The following SLC24A2 variants were observed in gnomAD, a reference collection of about 807,000 sequenced individuals.
The protein encoded by SLC24A2 is solute carrier family 24 member 2.
In SLC24A2, 36 loss-of-function variants were observed where a neutral mutation model predicts 62.0. The ratio of observed to expected loss-of-function variants is 0.58; its 90% CI spans 0.44 to 0.77. The LOEUF is 0.77. Ranked by LOEUF, SLC24A2 falls within the 30% of genes least tolerant of loss-of-function variation. The pLI is 0.00. For synonymous variants in SLC24A2, 358 were observed against 294.0 expected, an observed-to-expected ratio of 1.22 and a Z score of -2.23; for missense variants, 846 against 817.9, an observed-to-expected ratio of 1.03 and a Z score of -0.42.
chr9:20,191,641 G>T, the SLC24A2 span, among the ~76,000 whole-genome samples: 1 of 151,272 alleles, frequency 6.6e-6, no homozygotes, highest in Admixed American at 6.6e-5. Context: ...TGTTCAGTGT[G>T]GCCTCCTTGT....
the SLC24A2 span, among the ~76,000 whole-genome samples, chr9:20,289,637 G>A: frequency 1.2e-3 from 183 of 152,294 alleles, 1 homozygote; most frequent in Admixed American, 3.2e-3. Flanking sequence ...CCCAGAGTCA[G>A]GCGCTCTTTT....
intron 2 of SLC24A2, among the ~76,000 whole-genome samples, chr9:19,688,523 A>C (rs1026196222): frequency 6.6e-6 from 1 of 152,040 alleles, no homozygotes; most frequent in Non-Finnish European, 1.5e-5. Flanking sequence ...TTTTTAAAAG[A>C]GTTGCATAGA....
the SLC24A2 span, among the ~76,000 whole-genome samples, chr9:20,302,623 T>G: frequency 1.3e-5 from 2 of 152,348 alleles, no homozygotes; most frequent in Non-Finnish European, 2.9e-5. Flanking sequence ...TTCTTTTGGA[T>G]AGCAGTCCTT....
chr9:19,813,025 G>T, the SLC24A2 span, among the ~76,000 whole-genome samples: 5 of 152,108 alleles, frequency 3.3e-5, no homozygotes, highest in Non-Finnish European at 7.3e-5. Context: ...TTAGTCTCCT[G>T]CTCAGTTTAG....
At chr9:20,207,224 T>A in the SLC24A2 span, among the ~76,000 whole-genome samples, 1 of 152,252 alleles carries the variant, frequency 6.6e-6, no homozygotes, top group South Asian at 2.1e-4. Flanking sequence ...CCAAGAAAAA[T>A]TCCAGCAATT....
chr9:19,869,497 C>G, the SLC24A2 span, among the ~76,000 whole-genome samples: 1 of 152,256 alleles, frequency 6.6e-6, no homozygotes, highest in African/African-American at 2.4e-5. Flanking sequence ...CCTTCACTAA[C>G]TTTTACAGGT....
the SLC24A2 span, among the ~76,000 whole-genome samples, chr9:19,834,445 C>A: frequency 6.6e-6 from 1 of 151,936 alleles, no homozygotes; most frequent in Admixed American, 6.6e-5. Flanking sequence ...CCTCAGTAAC[C>A]GATGCGATCA....
the SLC24A2 span, among the ~76,000 whole-genome samples, chr9:20,232,521 G>A: frequency 1.2e-4 from 19 of 152,202 alleles, no homozygotes; most frequent in South Asian, 8.3e-4. Context: ...GTTTATTTGC[G>A]TAGAGGTGTT....
chr9:19,835,934 A>G, the SLC24A2 span, among the ~76,000 whole-genome samples: 2 of 152,208 alleles, frequency 1.3e-5, no homozygotes, highest in East Asian at 1.9e-4. Flanking sequence ...ATTCAAAAAC[A>G]CTCAACTACA....
chr9:20,294,442 C>G, the SLC24A2 span, among the ~76,000 whole-genome samples: 1 of 152,218 alleles, frequency 6.6e-6, no homozygotes, highest in African/African-American at 2.4e-5. Flanking sequence ...AACTAACCAG[C>G]CTGGGCAGAG....
the SLC24A2 span, among the ~76,000 whole-genome samples, chr9:19,855,841 G>C: frequency 6.6e-5 from 10 of 152,154 alleles, no homozygotes; most frequent in African/African-American, 2.4e-4. Flanking sequence ...TGTCTTGCTG[G>C]GTTGGGGAAG....
chr9:19,520,800 G>C, intron 10 of SLC24A2, 94 bp downstream of exon 10: 1 of 1,178,638 alleles, frequency 8.5e-7, no homozygotes, highest in Non-Finnish European at 1.3e-6. Context: ...GTTAGTCTTA[G>C]GTTCAGAGAT....
chr9:20,200,118 C>T, the SLC24A2 span, among the ~76,000 whole-genome samples: 1 of 151,802 alleles, frequency 6.6e-6, no homozygotes, highest in African/African-American at 2.4e-5. Flanking sequence ...TACTAGATAC[C>T]GGTTAACACT....
chr9:20,170,725 G>T, the SLC24A2 span, among the ~76,000 whole-genome samples: 1 of 151,932 alleles, frequency 6.6e-6, no homozygotes, highest in African/African-American at 2.4e-5. Context: ...GAAATTCATT[G>T]TATCTTTCAT....
the SLC24A2 span, among the ~76,000 whole-genome samples, chr9:20,085,486 C>T: frequency 6.6e-6 from 1 of 152,168 alleles, no homozygotes; most frequent in Non-Finnish European, 1.5e-5. Context: ...CTCAATTGTT[C>T]ATTATTTCTA....
intron 4 of SLC24A2, among the ~76,000 whole-genome samples, chr9:19,600,850 G>A (rs1836822418): frequency 1.3e-5 from 2 of 152,074 alleles, no homozygotes; most frequent in South Asian, 2.1e-4. Context: ...GAGGGGGAGA[G>A]CGTAGGATTG....
At chr9:19,622,402 T>G (rs1406244550) in intron 2 of SLC24A2, 103 bp from the exon 3 acceptor site, 1 of 1,169,028 alleles carries the variant, frequency 8.6e-7, no homozygotes, top group Non-Finnish European at 1.2e-6. Context: ...TAGGGGAAGA[T>G]TTCATTCTTT....
chr9:19,966,148 A>G, the SLC24A2 span, among the ~76,000 whole-genome samples: 3 of 152,174 alleles, frequency 2.0e-5, no homozygotes, highest in African/African-American at 7.2e-5. Flanking sequence ...GGTGCTTAAT[A>G]AATACTTAAG....
chr9:19,623,898 C>T (rs1817970297), intron 2 of SLC24A2, among the ~76,000 whole-genome samples: 1 of 152,144 alleles, frequency 6.6e-6, no homozygotes, highest in Non-Finnish European at 1.5e-5. Flanking sequence ...AGCCTGTGGG[C>T]ATCACTAAAT....
Sources: allele counts gnomAD v4.1 joint callset (sites outside exome capture counted in the v4.1 genomes callset), GRCh38; gene constraint gnomAD v4.1.1; transcripts MANE v1.5; gene names NCBI Gene and HGNC (gene_info 2026-07-23, HGNC 2026-07-21).